The following KCNH1 variants were observed in gnomAD, a reference collection of about 807,000 sequenced individuals.
KCNH1 encodes the protein voltage-gated delayed rectifier potassium channel KCNH1.
A neutral mutation model predicts 69.2 loss-of-function variants in KCNH1; 27 were observed. The ratio of observed to expected loss-of-function variants is 0.39; its 90% CI spans 0.29 to 0.54. The LOEUF is 0.54. KCNH1 is among the 20% of genes least tolerant of loss of function. The pLI is 0.68. For missense variants in KCNH1, 798 were observed against 1,261.6 expected, an observed-to-expected ratio of 0.63 and a Z score of 5.57; for synonymous variants, 456 against 487.7, an observed-to-expected ratio of 0.93 and a Z score of 0.86.
At chr1:210,889,164 T>C (rs912820897) in intron 7 of KCNH1, among the ~76,000 whole-genome samples, 1 of 152,180 alleles carries the variant, frequency 6.6e-6, no homozygotes, top group Non-Finnish European at 1.5e-5. Context: ...AGTAAAATAC[T>C]GGCAAACTGA....
chr1:211,033,575 T>C (rs1689834533), intron 5 of KCNH1, among the ~76,000 whole-genome samples: 1 of 152,194 alleles, frequency 6.6e-6, no homozygotes, highest in African/African-American at 2.4e-5. Flanking sequence ...CACGGAATAC[T>C]ATGCAGCCAT....
intron 10 of KCNH1, among the ~76,000 whole-genome samples, chr1:210,753,745 C>A (rs1323475172): frequency 1.3e-5 from 2 of 152,174 alleles, no homozygotes; most frequent in African/African-American, 4.8e-5. Flanking sequence ...GGCCCTACCC[C>A]ACCCCTACAT....
intron 10 of KCNH1, among the ~76,000 whole-genome samples, chr1:210,752,974 G>A (rs1683312333): frequency 6.6e-6 from 1 of 152,084 alleles, no homozygotes; most frequent in Admixed American, 6.5e-5. Context: ...TGAACACAGA[G>A]GCAGAGATTG....
chr1:210,691,362 TA>T (rs1384899291), intron 10 of KCNH1, among the ~76,000 whole-genome samples: 1 of 152,182 alleles, frequency 6.6e-6, no homozygotes, highest in African/African-American at 2.4e-5. Context: ...GGCGCTGTGT[TA>T]AATGTTGGAC....
chr1:210,984,652 T>TA (rs761166315), intron 6 of KCNH1, among the ~76,000 whole-genome samples: 2 of 152,276 alleles, frequency 1.3e-5, no homozygotes, highest in South Asian at 4.1e-4. Flanking sequence ...TAAGCATGGA[T>TA]AAGCTTTTTG....
chr1:210,928,401 A>G (rs1471776706), intron 6 of KCNH1, among the ~76,000 whole-genome samples: 1 of 152,178 alleles, frequency 6.6e-6, no homozygotes, highest in African/African-American at 2.4e-5. Flanking sequence ...CTGGAAATGG[A>G]CTCCAAAAGG....
chr1:211,009,506 G>A (rs1689353495), intron 6 of KCNH1, among the ~76,000 whole-genome samples: 1 of 152,178 alleles, frequency 6.6e-6, no homozygotes, highest in Non-Finnish European at 1.5e-5. Context: ...ATTCAGCACA[G>A]AACCTGACCC....
At chr1:211,054,288 G>GA (rs946136238) in intron 5 of KCNH1, among the ~76,000 whole-genome samples, 14 of 144,764 alleles carry the variant, frequency 9.7e-5, no homozygotes, top group East Asian at 2.0e-4. Context: ...TCTCAAAAAA[G>GA]AAAAAAAAAA....
In KCNH1 at chr1:210,856,898, T is replaced by TATATATATAA. The variant is rs1410330503; in HGVS notation, c.1463-52733_1463-52732insTTATATATAT. On this transcript the variant is annotated intron_variant, in intron 7 of 10. Transcript: ENST00000271751. ...CCCACTATATATATATATATATATA[T>TATATATATAA]AAAATACTCATGCCTGGTGTTTACT... is the stretch of plus-strand genomic sequence containing the variant. Among the ~76,000 whole-genome samples the TATATATATAA allele has an allele frequency of 2.7e-4, 33 of 121,496 alleles. 2 individuals are homozygous for TATATATATAA. The East Asian group carries it at 4.6e-3, about 17-fold the overall frequency. The allele number at this position is 121,496 out of a possible 152,430, so 79.7% of individuals were successfully genotyped here.
chr1:210,978,885 G>C (rs76750108), intron 6 of KCNH1, among the ~76,000 whole-genome samples: 6,205 of 152,226 alleles, frequency 0.041, 189 homozygotes, highest in South Asian at 0.065. Context: ...CGTCTGCCTA[G>C]ACTTTCACAT....
chr1:210,820,951 G>A (rs924897140), intron 7 of KCNH1, among the ~76,000 whole-genome samples: 9 of 152,120 alleles, frequency 5.9e-5, no homozygotes, highest in South Asian at 2.1e-4. Context: ...TTTGACCTCC[G>A]GAACTATAAG....
intron 10 of KCNH1, among the ~76,000 whole-genome samples, chr1:210,762,298 CCTAAGATCAGAG>C (rs1478097056): frequency 6.6e-6 from 1 of 151,984 alleles, no homozygotes; most frequent in Non-Finnish European, 1.5e-5. Flanking sequence ...AAATTAACAA[CCTAAGATCAGAG>C]CTAAAGGAAC....
At chr1:210,781,612 G>T (rs1217971952) in intron 9 of KCNH1, among the ~76,000 whole-genome samples, 1 of 152,134 alleles carries the variant, frequency 6.6e-6, no homozygotes, top group African/African-American at 2.4e-5. Context: ...AGCAGAATGT[G>T]TGCATATTCA....
chr1:211,000,924 A>G (rs923243284), intron 6 of KCNH1, among the ~76,000 whole-genome samples: 4 of 152,180 alleles, frequency 2.6e-5, no homozygotes, highest in Admixed American at 6.5e-5. Flanking sequence ...AGGATTCCCT[A>G]TTTAATCAAT....
At chr1:210,985,192 G>T (rs1688805245) in intron 6 of KCNH1, among the ~76,000 whole-genome samples, 2 of 151,910 alleles carry the variant, frequency 1.3e-5, no homozygotes, top group African/African-American at 2.4e-5. Flanking sequence ...TATTAGTCTT[G>T]CTAGTAGTCT....
At chr1:210,839,851 T>C (rs1330131526) in intron 7 of KCNH1, among the ~76,000 whole-genome samples, 3 of 152,188 alleles carry the variant, frequency 2.0e-5, no homozygotes, top group Non-Finnish European at 4.4e-5. Context: ...AAAGTTGCCT[T>C]AGCATTCTTA....
intron 7 of KCNH1, among the ~76,000 whole-genome samples, chr1:210,916,096 G>A (rs1875436): frequency 0.7 from 106,552 of 151,862 alleles, 38,113 homozygotes; most frequent in African/African-American, 0.82. Flanking sequence ...CCCCATTACT[G>A]TTGATCCCAA....
rs750986791 is a variant in KCNH1, at chr1:210,683,944, G to T, written c.2307C>A (p.Gly769=). ...RDLDDLDVEK[G]NVLTEHASAN... is the part of the protein sequence containing the mutation. ...CGGAGGCATGCTCTGTAAGGACATT[G>T]CCCTTCTCCACATCTAGGTCATCCA... The change falls in exon 11 of 11, where the codon GGC becomes GGA. Residue 769 remains glycine, a synonymous_variant. Transcript: ENST00000271751. The surrounding 1 kb of genome is among the most constrained non-coding windows in gnomAD (Gnocchi z 5.7). 2 of 1,607,924 alleles carry T rather than the reference G, an allele frequency of 1.2e-6. No individual in the cohort carries two copies. Among genetic ancestry groups the T allele is most frequent in the Admixed American group, 3.3e-5 (2 of 59,896 alleles).
chr1:211,060,053 T>A (rs1205739542), intron 5 of KCNH1, among the ~76,000 whole-genome samples: 1 of 151,806 alleles, frequency 6.6e-6, no homozygotes, highest in Non-Finnish European at 1.5e-5. Context: ...CACAAGAGAA[T>A]AAAACTGGAA....
Sources: allele counts gnomAD v4.1 joint callset (sites outside exome capture counted in the v4.1 genomes callset), GRCh38; gene constraint gnomAD v4.1.1; non-coding constraint Gnocchi (gnomAD v3.1); transcripts MANE v1.5; gene names NCBI Gene and HGNC (gene_info 2026-07-23, HGNC 2026-07-21).